TG: variants seen among roughly 807,000 people sequenced by gnomAD.
TG encodes the protein thyroglobulin.
Under a neutral mutation model 324.7 loss-of-function variants are expected in TG, and 270 were observed. That is an observed-to-expected ratio of 0.83 (90% confidence interval 0.75 to 0.92). The LOEUF (loss-of-function observed/expected upper bound fraction) is 0.92. Among genes scored for constraint, TG ranks in the 40% least tolerant of loss-of-function variants. TG has a pLI of 0.00. For synonymous variants in TG, 1,401 were observed against 1,327.0 expected (o/e 1.06, Z -1.21); for missense variants, 3,591 against 3,456.4 (o/e 1.04, Z -0.98).
chr8:133,045,544 G>A (rs1005263521), intron 41 of TG, among the ~76,000 whole-genome samples: 5 of 151,870 alleles, frequency 3.3e-5, no homozygotes, highest in South Asian at 2.1e-4. Context: ...ACAGGCATGC[G>A]CCACCACGCC....
chr8:133,032,434 A>G (rs1258961139), intron 41 of TG, among the ~76,000 whole-genome samples: 3 of 152,186 alleles, frequency 2.0e-5, no homozygotes, highest in African/African-American at 7.2e-5. Flanking sequence ...ATACCTTCCA[A>G]TGGGCTCAGA....
At chr8:132,900,559 G>A (rs945636349) in intron 15 of TG, among the ~76,000 whole-genome samples, 1 of 152,220 alleles carries the variant, frequency 6.6e-6, no homozygotes, top group Non-Finnish European at 1.5e-5. Flanking sequence ...GAGGGAGTAG[G>A]CTGTGCTTTG....
chr8:132,886,812 T>G lies in TG; in HGVS notation c.1440T>G (p.Val480=). The change falls in exon 9 of 48, where the codon GTT becomes GTG. Residue 480 remains valine (V), a synonymous_variant. Transcript: ENST00000220616. ...TTGGAGGGAAATTTTTGGTGAATGT[T>G]GGCCAGTTTAACTTGTCTGGAGCCC... ...NLFGGKFLVN[V]GQFNLSGALG... is the part of the protein sequence containing the mutation. 1.2e-6 allele frequency: 2 copies of G among 1,614,230 alleles called. 1 individual carries two copies. The highest frequency in any genetic ancestry group is 2.2e-5 in the South Asian group (2 of 91,076).
intron 20 of TG, 84 bp downstream of exon 20, chr8:132,913,349 C>A (rs1587377547): frequency 7.3e-7 from 1 of 1,376,802 alleles, no homozygotes; most frequent in African/African-American, 1.4e-5. Context: ...AGAGAGGCTA[C>A]TCTGGACATC....
chr8:133,017,849 A>T lies in TG; in HGVS notation c.6634A>T (p.Arg2212Trp), dbSNP rs759993655. ...TTCCACCCATGGCCGGCTGCTGGGC[A>T]GGTCCCAGGCCATCCAGGTGGGTAC... Reference protein sequence around the residue: ...PISTHGRLLGRSQAIQVGTSW... With the variant: ...PISTHGRLLGWSQAIQVGTSW... Residue 2212 changes from arginine (R) to tryptophan (W), a missense_variant, in exon 38 of 48, where the codon AGG becomes TGG. Physicochemically the swap from Arg to Trp is moderately radical, Grantham distance 101 (BLOSUM62 -3). Coordinates refer to ENST00000220616, the MANE Select transcript of TG (RefSeq NM_003235.5). 4 of 1,614,180 alleles carry T rather than the reference A, an allele frequency of 2.5e-6. No homozygotes were observed. The highest frequency in any genetic ancestry group is 3.4e-6 in the Non-Finnish European group (4 of 1,180,032).
intron 5 of TG, among the ~76,000 whole-genome samples, chr8:132,876,396 C>T (rs940129098): frequency 6.6e-6 from 1 of 152,090 alleles, no homozygotes; most frequent in African/African-American, 2.4e-5. Context: ...AAGGAAAAGC[C>T]ACAAGCTTTG....
In TG at chr8:132,873,030, T is replaced by C. The variant is rs78623678; in HGVS notation, c.479-32T>C. The C allele has an allele frequency of 9.9e-3, 15,974 of 1,613,468 alleles. 472 individuals carry two copies. Among genetic ancestry groups the C allele is most frequent in the East Asian group, 0.081 (3,639 of 44,872 alleles). Reference sequence around the variant, plus strand: ...CTGCAGAAATATGTGTCTACTCATATATAAGGATTTTTTTTTCGTGAAAAT... The same window carrying C: ...CTGCAGAAATATGTGTCTACTCATACATAAGGATTTTTTTTTCGTGAAAAT... On this transcript the variant is annotated intron_variant, in intron 4 of 47. Coordinates refer to ENST00000220616, the MANE Select transcript of TG (RefSeq NM_003235.5).
At chr8:132,949,045 TATACTTCTGAAAA>T (rs1257038510) in intron 27 of TG, 102 bp downstream of exon 27, 6 of 1,018,016 alleles carry the variant, frequency 5.9e-6, no homozygotes, top group African/African-American at 1.8e-5. Flanking sequence ...CTGAGGAGCT[TATACTTCTGAAAA>T]AAAAAAAAAA....
At chr8:132,963,443 A>G (rs1828051499) in intron 29 of TG, among the ~76,000 whole-genome samples, 1 of 152,220 alleles carries the variant, frequency 6.6e-6, no homozygotes. Flanking sequence ...AAATTGTTTC[A>G]TGAATGACAT....
chr8:133,105,462 T>A (rs1849722519), intron 43 of TG, among the ~76,000 whole-genome samples: 1 of 151,960 alleles, frequency 6.6e-6, no homozygotes, highest in African/African-American at 2.4e-5. Context: ...TGTGTTTTAA[T>A]CAGGTAATTG....
intron 41 of TG, chr8:133,048,766 A>G (rs895796004): frequency 1.2e-5 from 2 of 161,220 alleles, no homozygotes; most frequent in Admixed American, 6.0e-5. Flanking sequence ...CTCCCACGGC[A>G]GCTCCTGCTT....
intron 41 of TG, chr8:133,045,263 G>T: frequency 1.4e-6 from 1 of 726,664 alleles, no homozygotes; most frequent in Non-Finnish European, 2.3e-6. Context: ...CCCTCCACTA[G>T]ACCCTTCTCT....
chr8:133,121,130 C>T (rs777468565), intron 45 of TG, among the ~76,000 whole-genome samples: 3 of 152,200 alleles, frequency 2.0e-5, no homozygotes, highest in Non-Finnish European at 4.4e-5. Flanking sequence ...AGTGACCCTC[C>T]TGGCACAGAT....
intron 41 of TG, among the ~76,000 whole-genome samples, chr8:133,080,745 C>G (rs755852526): frequency 1.3e-5 from 2 of 152,248 alleles, no homozygotes; most frequent in South Asian, 4.1e-4. Context: ...CCACTGTGCA[C>G]TGTAGACAAG....
At chr8:132,923,542 T>C (rs764071130) in intron 22 of TG, 34 bp downstream of exon 22, 6 of 1,601,162 alleles carry the variant, frequency 3.7e-6, no homozygotes, top group Non-Finnish European at 5.1e-6. Flanking sequence ...TCATGGTTCC[T>C]GGGGACTGGG....
At chr8:133,065,959 G>T (rs562571241) in intron 41 of TG, among the ~76,000 whole-genome samples, 2 of 152,114 alleles carry the variant, frequency 1.3e-5, no homozygotes, top group Non-Finnish European at 2.9e-5. Context: ...CAGAAGTGCT[G>T]CTGGGAGCAG....
chr8:133,001,784 G>A (rs888113889), intron 35 of TG: 4 of 985,348 alleles, frequency 4.1e-6, no homozygotes, highest in Non-Finnish European at 4.8e-6. Flanking sequence ...GATCATGAAG[G>A]TTTGCTGGGG....
intron 24 of TG, among the ~76,000 whole-genome samples, chr8:132,934,751 C>A (rs899813336): frequency 6.6e-6 from 1 of 152,204 alleles, no homozygotes; most frequent in Admixed American, 6.5e-5. Flanking sequence ...AATTTGGCAG[C>A]CTTGCGGGGG....
chr8:133,041,236 G>C (rs1838169361), intron 41 of TG, among the ~76,000 whole-genome samples: 1 of 152,198 alleles, frequency 6.6e-6, no homozygotes, highest in Admixed American at 6.5e-5. Flanking sequence ...CCAGGTTTTC[G>C]ACAGCACGTC....
Sources: gnomAD v4.1 joint callset for allele counts (sites outside exome capture counted in the v4.1 genomes callset) on GRCh38, gnomAD v4.1.1 for gene constraint, MANE v1.5 for transcripts, NCBI Gene and HGNC (gene_info 2026-07-23, HGNC 2026-07-21) for gene names.